The following LIPG variants were observed in gnomAD, a reference collection of about 807,000 sequenced individuals.
LIPG encodes the protein lipase G, endothelial type, also known as endothelial lipase.
A neutral mutation model predicts 51.8 loss-of-function variants in LIPG; 34 were observed. The ratio of observed to expected loss-of-function variants is 0.66; its 90% CI spans 0.50 to 0.87. The LOEUF is 0.87. LIPG is among the 40% of genes least tolerant of loss of function. The pLI is 0.00. For missense variants in LIPG, 580 were observed against 652.7 expected (o/e 0.89, Z 1.21); for synonymous variants, 246 against 246.1 (o/e 1.00, Z 0.00).
chr18:49,567,033 A>C (rs2148847715), intron 2 of LIPG, among the ~76,000 whole-genome samples: 1 of 152,324 alleles, frequency 6.6e-6, no homozygotes, highest in African/African-American at 2.4e-5. Flanking sequence ...GCCAATGTGC[A>C]GATTCTAAAA....
chr18:49,571,079 T>G (rs527314496), intron 4 of LIPG, among the ~76,000 whole-genome samples: 1 of 152,306 alleles, frequency 6.6e-6, no homozygotes, highest in East Asian at 1.9e-4. Flanking sequence ...GAGAGCTTTA[T>G]TTTTGATTTC....
intron 9 of LIPG, 85 bp downstream of exon 9, chr18:49,586,935 C>A: frequency 1.0e-6 from 1 of 991,914 alleles, no homozygotes; most frequent in East Asian, 2.4e-5. Flanking sequence ...ATCTGGGTGC[C>A]AGGGACATAG....
chr18:49,577,385 A>T (rs1243526159), intron 5 of LIPG, among the ~76,000 whole-genome samples: 2 of 144,476 alleles, frequency 1.4e-5, no homozygotes, highest in Non-Finnish European at 1.5e-5. Flanking sequence ...TTCTTAGTGC[A>T]GAACAAAATG....
chr18:49,567,328 C>A (rs749243809), intron 2 of LIPG, 114 bp from the exon 3 acceptor site: 113 of 1,063,446 alleles, frequency 1.1e-4, no homozygotes, highest in Admixed American at 2.1e-4. Flanking sequence ...CAGAGTGAGA[C>A]CCTGAGTCAA....
At chr18:49,565,888 C>G (rs1347835067) in intron 2 of LIPG, among the ~76,000 whole-genome samples, 1 of 152,222 alleles carries the variant, frequency 6.6e-6, no homozygotes, top group Non-Finnish European at 1.5e-5. Flanking sequence ...TATGAGTAGC[C>G]AGCTGGCCTG....
At chr18:49,574,774 G>C (rs1350791305) in intron 4 of LIPG, among the ~76,000 whole-genome samples, 1 of 152,188 alleles carries the variant, frequency 6.6e-6, no homozygotes, top group Non-Finnish European at 1.5e-5. Flanking sequence ...AATTCTGGAG[G>C]CCTGATGTAT....
intron 5 of LIPG, 77 bp downstream of exon 5, chr18:49,575,667 C>A: frequency 8.9e-7 from 1 of 1,121,652 alleles, no homozygotes; most frequent in Non-Finnish European, 1.3e-6. Flanking sequence ...GCCTTTAGCA[C>A]TGCAGGCACT....
rs1441969735 is a variant in LIPG at position 49,597,307 on chromosome 18, G to A, written c.*6785G>A. 1 of 152,104 alleles carries A rather than the reference G, an allele frequency of 6.6e-6. No homozygotes were observed. Among genetic ancestry groups the A allele is most frequent in the Non-Finnish European group, 1.5e-5 (1 of 68,028 alleles). The allele number at this position is 152,104 out of a possible 1,614,324, so 9.4% of individuals were successfully genotyped here. On this transcript the variant is annotated 3_prime_UTR_variant, in exon 10 of 10. Coordinates refer to ENST00000261292, the MANE Select transcript of LIPG (RefSeq NM_006033.4). ...CCTCCTGAACTTACAGAGCCTTTCA[G>A]TAAACACCAGTATTTGTCCCTCCCC...
At chr18:49,577,878 C>T (rs1448272232) in intron 5 of LIPG, among the ~76,000 whole-genome samples, 1 of 104,908 alleles carries the variant, frequency 9.5e-6, no homozygotes, top group Non-Finnish European at 1.9e-5. Flanking sequence ...GACGGGGTGG[C>T]TGGCCGGGCT....
At chr18:49,583,406 G>C in intron 7 of LIPG, 150 bp from the exon 8 acceptor site, 1 of 711,554 alleles carries the variant, frequency 1.4e-6, no homozygotes, top group South Asian at 1.5e-5. Flanking sequence ...TGGTCCTGTT[G>C]ATAGGAAGTA....
rs1444669885 is a variant in LIPG at position 49,583,767 on chromosome 18, C to T, written c.1369C>T (p.Gln457Ter). The change falls in exon 8 of 10, where the codon CAG becomes TAG. Residue 457 changes from glutamine (Q) to a stop codon, truncating the protein, a stop_gained. Coordinates refer to ENST00000261292, the MANE Select transcript of LIPG (RefSeq NM_006033.4). LOFTEE classifies it high-confidence loss of function. ...RRIRVKSGET[Q>*]RKLTFCTEDP... Reference sequence around the variant, plus strand: ...CATCCGGGTGAAGTCTGGGGAAACCCAGCGGAAGTAAGTGCCTCCTGCTCC... The same window carrying T: ...CATCCGGGTGAAGTCTGGGGAAACCTAGCGGAAGTAAGTGCCTCCTGCTCC... 1 of 1,611,192 alleles carries T rather than the reference C, an allele frequency of 6.2e-7. No homozygotes were observed. Among genetic ancestry groups the T allele is most frequent in the Admixed American group, 1.7e-5 (1 of 59,804 alleles).
In LIPG at chr18:49,598,067, T is replaced by C. The variant is rs537618458; in HGVS notation, c.*7545T>C. The stretch of plus-strand genomic sequence containing the variant: ...TTAGATACACAGAGCTTCTTCCTTC[T>C]GCTTAGGCTGCCCCAAATTCCATAT... On this transcript the variant is annotated 3_prime_UTR_variant, in exon 10 of 10. Transcript: ENST00000261292. 6.6e-6 allele frequency: 1 copy of C among 152,358 alleles called. No individual in the cohort carries two copies. Among genetic ancestry groups the C allele is most frequent in the Admixed American group, 6.5e-5 (1 of 15,310 alleles). The allele number at this position is 152,358 out of a possible 1,614,324, so 9.4% of individuals were successfully genotyped here.
At chr18:49,569,306 G>A in intron 3 of LIPG, 131 bp from the exon 4 acceptor site, 1 of 784,956 alleles carries the variant, frequency 1.3e-6, no homozygotes. Flanking sequence ...AGCCAGTGGG[G>A]CCCTGGGGAG....
Position 49,583,473 on chromosome 18 carries a change from G to A in LIPG, c.1158-83G>A, listed in dbSNP as rs547841033. The A allele has an allele frequency of 6.9e-5, 76 of 1,101,008 alleles. 1 individual carries two copies. The South Asian group carries it at 8.2e-4, about 12-fold the overall frequency. 68.2% of individuals were successfully genotyped at this position (1,101,008 alleles called of 1,614,324 possible). On this transcript the variant is annotated intron_variant, in intron 7 of 9. Transcript: ENST00000261292. ...GTCTCTCTCCTGTCTGTGTGGGGTT[G>A]TTACTGCCACTGTGTCACCCCACAC...
intron 3 of LIPG, among the ~76,000 whole-genome samples, chr18:49,568,357 G>C (rs960357010): frequency 6.6e-6 from 1 of 151,358 alleles, no homozygotes; most frequent in South Asian, 2.1e-4. Flanking sequence ...ATAATATGAA[G>C]TGTGGAAAAC....
intron 1 of LIPG, among the ~76,000 whole-genome samples, chr18:49,562,872 G>A (rs79998935): frequency 0.035 from 5,327 of 152,310 alleles, 137 homozygotes; most frequent in Middle Eastern, 0.061. Context: ...TTTGATTCGT[G>A]CTTGCAGGGA....
At position 49,597,923 on chromosome 18, in the gene LIPG, A is replaced by C. The variant is rs1428691946; in HGVS notation, c.*7401A>C. On this transcript the variant is annotated 3_prime_UTR_variant, in exon 10 of 10. Transcript: ENST00000261292. Reference sequence around the variant, plus strand: ...TACTTCTGCCCTGGTTATTATCCCAAGGCAACTTCAGTGGGCTTGTTTTGA... The same window carrying C: ...TACTTCTGCCCTGGTTATTATCCCACGGCAACTTCAGTGGGCTTGTTTTGA... The C allele has an allele frequency of 6.6e-6, 1 of 152,216 alleles. No individual in the cohort carries two copies. The highest frequency in any genetic ancestry group is 2.4e-5 in the African/African-American group (1 of 41,466). The allele number at this position is 152,216 out of a possible 1,614,324, so 9.4% of individuals were successfully genotyped here.
Position 49,586,872 on chromosome 18 carries a change from G to A in LIPG, c.1481+22G>A, listed in dbSNP as rs116888584. On this transcript the variant is annotated intron_variant, in intron 9 of 9. Coordinates refer to ENST00000261292, the MANE Select transcript of LIPG (RefSeq NM_006033.4). ...CCAGGTAACCAGGACTTTCTCACAC[G>A]TTCCACCCAGGACACGTTGACATGA... The A allele has an allele frequency of 8.7e-3, 13,442 of 1,545,020 alleles. 82 individuals carry two copies. Among genetic ancestry groups the A allele is most frequent in the Non-Finnish European group, 0.011 (12,249 of 1,117,224 alleles).
Position 49,586,728 on chromosome 18 carries a change from G to A in LIPG, c.1377-18G>A. 1.3e-6 allele frequency: 2 copies of A among 1,583,450 alleles called. No individual in the cohort carries two copies. The highest frequency in any genetic ancestry group is 8.7e-7 in the Non-Finnish European group (1 of 1,152,072). ...CCCTAAAGTTCTGCCTACATCAGTG[G>A]TTTCTTTTCCCTCCTAGACTGACAT... On this transcript the variant is annotated intron_variant, in intron 8 of 9. Coordinates refer to ENST00000261292, the MANE Select transcript of LIPG (RefSeq NM_006033.4).
Sources: gnomAD v4.1 joint callset for allele counts (sites outside exome capture counted in the v4.1 genomes callset) on GRCh38, gnomAD v4.1.1 for gene constraint, MANE v1.5 for transcripts, NCBI Gene and HGNC (gene_info 2026-07-23, HGNC 2026-07-21) for gene names.